Variants in PTGER3 observed in about 807,000 individuals in gnomAD.
The protein encoded by PTGER3 is prostaglandin E receptor 3.
Under a neutral mutation model 34.7 loss-of-function variants are expected in PTGER3, and 22 were observed. That is an observed-to-expected ratio of 0.63 (90% CI 0.45 to 0.91). PTGER3 has a LOEUF of 0.91. Among genes scored for constraint, PTGER3 ranks in the 40% least tolerant of loss-of-function variants. The pLI is 0.00. For missense variants in PTGER3, 468 were observed against 519.4 expected, an observed-to-expected ratio of 0.90 and a Z score of 0.96; for synonymous variants, 241 against 230.1, an observed-to-expected ratio of 1.05 and a Z score of -0.43.
At chr1:70,954,782 G>A (rs551119291) in intron 2 of PTGER3, among the ~76,000 whole-genome samples, 2 of 151,652 alleles carry the variant, frequency 1.3e-5, no homozygotes, top group African/African-American at 4.8e-5. Flanking sequence ...TTACATAGTT[G>A]GGAATTTGAA....
intron 1 of PTGER3, among the ~76,000 whole-genome samples, chr1:71,034,973 AT>A (rs1308716703): frequency 6.6e-6 from 1 of 152,218 alleles, no homozygotes; most frequent in Admixed American, 6.5e-5. Flanking sequence ...ATTGCAAGAA[AT>A]TTTAAAAAAA....
intron 4 of PTGER3, chr1:70,862,253 TAA>T: frequency 2.1e-6 from 2 of 948,498 alleles, no homozygotes; most frequent in Non-Finnish European, 2.8e-6. Flanking sequence ...ACATACTAAG[TAA>T]AAAAAAATAT....
At chr1:70,891,154 C>T (rs4650093) in intron 4 of PTGER3, among the ~76,000 whole-genome samples, 28,086 of 152,180 alleles carry the variant, frequency 0.18, 3,390 homozygotes, top group Admixed American at 0.34. Context: ...AAACTCACCC[C>T]ATTCTGTGTC....
intron 4 of PTGER3, among the ~76,000 whole-genome samples, chr1:70,862,774 G>A (rs762553169): frequency 6.6e-6 from 1 of 152,110 alleles, no homozygotes; most frequent in Non-Finnish European, 1.5e-5. Flanking sequence ...AATGAGACAG[G>A]AAAGCTTACT....
Position 70,926,301 on chromosome 1 carries a change from G to C in PTGER3, c.*23+27462C>G, listed in dbSNP as rs12096553. On this transcript the variant is annotated intron_variant, in intron 4 of 4. Transcript: ENST00000370931. ...GGCCATTTTCACGATATTGATTCTT[G>C]CTACCCATGAGCATGGAATGTTCTT... Among the ~76,000 whole-genome samples the C allele has an allele frequency of 1.3e-3, 205 of 152,156 alleles. 1 individual carries two copies. The highest frequency in any genetic ancestry group is 4.3e-3 in the African/African-American group (178 of 41,546).
chr1:70,923,385 A>T (rs1484908120), intron 4 of PTGER3, among the ~76,000 whole-genome samples: 1 of 152,192 alleles, frequency 6.6e-6, no homozygotes, highest in Non-Finnish European at 1.5e-5. Context: ...TGGCCTTAAT[A>T]GTGGCTGTCC....
At chr1:70,934,462 A>T (rs1199738287) in intron 4 of PTGER3, among the ~76,000 whole-genome samples, 1 of 152,344 alleles carries the variant, frequency 6.6e-6, no homozygotes. Flanking sequence ...TGGCAACACT[A>T]GCTTATTTTA....
chr1:70,881,753 A>G (rs146704767), intron 4 of PTGER3, among the ~76,000 whole-genome samples: 129 of 152,260 alleles, frequency 8.5e-4, no homozygotes, highest in Non-Finnish European at 1.5e-3. Flanking sequence ...GTTCTGGTCC[A>G]CAGGACTTCC....
chr1:71,027,549 A>T (rs12756951), intron 1 of PTGER3, among the ~76,000 whole-genome samples: 56,845 of 152,130 alleles, frequency 0.37, 11,543 homozygotes, highest in South Asian at 0.47. Flanking sequence ...CGGTTCCCCA[A>T]CCCATTTAAC....
chr1:71,037,131 G>C (rs894771059), intron 1 of PTGER3, among the ~76,000 whole-genome samples: 2 of 152,286 alleles, frequency 1.3e-5, no homozygotes, highest in Non-Finnish European at 2.9e-5. Context: ...TGCTGCACTG[G>C]ACCAGCCGTG....
Position 70,911,916 on chromosome 1 carries a change from T to C in PTGER3, c.*23+41847A>G, listed in dbSNP as rs1226262730. ...GGGAGAAAAAGAGATCCACATTTTG[T>C]TGCAGACCTGTAAAATTTTTTGTAC... On this transcript the variant is annotated intron_variant, in intron 4 of 4. Transcript: ENST00000370931. Among the ~76,000 whole-genome samples the C allele has an allele frequency of 9.8e-5, 15 of 152,296 alleles. No homozygotes were observed. In the South Asian group the frequency reaches 2.3e-3, roughly 23 times the overall value.
intron 2 of PTGER3, among the ~76,000 whole-genome samples, chr1:70,954,445 C>T (rs1045832665): frequency 1.3e-5 from 2 of 152,096 alleles, no homozygotes; most frequent in African/African-American, 2.4e-5. Flanking sequence ...AGTACTAGTG[C>T]TGTATGTCGA....
downstream of PTGER3, chr1:70,950,942 CT>C (rs1267505063): frequency 1.3e-5 from 2 of 152,166 alleles, no homozygotes; most frequent in Non-Finnish European, 2.9e-5. Context: ...CCTAAAACCC[CT>C]GATCTCAAGT....
At chr1:71,030,678 G>C (rs1659332220) in intron 1 of PTGER3, among the ~76,000 whole-genome samples, 2 of 152,142 alleles carry the variant, frequency 1.3e-5, no homozygotes, top group Non-Finnish European at 2.9e-5. Context: ...ACAAGTTACT[G>C]TCAGACAAGT....
chr1:70,906,279 A>T (rs1646946362), intron 4 of PTGER3, among the ~76,000 whole-genome samples: 1 of 152,192 alleles, frequency 6.6e-6, no homozygotes, highest in Non-Finnish European at 1.5e-5. Context: ...TGAAAACTGT[A>T]AGGACAATGC....
chr1:70,965,811 T>C (rs539628612), downstream of PTGER3, among the ~76,000 whole-genome samples: 10 of 152,290 alleles, frequency 6.6e-5, no homozygotes, highest in East Asian at 1.4e-3. Flanking sequence ...TTAGCGTGTA[T>C]TTTCTTCTGC....
At chr1:70,988,359 C>T (rs1655117258) in intron 2 of PTGER3, among the ~76,000 whole-genome samples, 1 of 152,196 alleles carries the variant, frequency 6.6e-6, no homozygotes, top group Admixed American at 6.5e-5. Context: ...ACTCTCCTCT[C>T]TTTCTACCAG....
chr1:71,043,370 G>T (rs556676351), intron 1 of PTGER3, among the ~76,000 whole-genome samples: 8 of 152,050 alleles, frequency 5.3e-5, no homozygotes, highest in Non-Finnish European at 1.0e-4. Flanking sequence ...AAAAGAAAAA[G>T]GAAACAAAGC....
intron 2 of PTGER3, among the ~76,000 whole-genome samples, chr1:70,997,001 G>A (rs1656046011): frequency 6.6e-6 from 1 of 152,166 alleles, no homozygotes; most frequent in Admixed American, 6.5e-5. Context: ...GCTGGGCGTG[G>A]TAGCTCATGC....
Sources: allele counts gnomAD v4.1 joint callset (sites outside exome capture counted in the v4.1 genomes callset), GRCh38; gene constraint gnomAD v4.1.1; transcripts MANE v1.5; gene names NCBI Gene and HGNC (gene_info 2026-07-23, HGNC 2026-07-21).